AGBL1: variants seen among roughly 807,000 people sequenced by gnomAD.
The protein encoded by AGBL1 is AGBL carboxypeptidase 1, also known as cytosolic carboxypeptidase 4.
In AGBL1, 130 loss-of-function variants were observed where a neutral mutation model predicts 118.9. The observed-to-expected ratio is 1.09, with a 90% CI of 0.95 to 1.26. AGBL1 has a LOEUF of 1.26. AGBL1 is among the 50% of genes most tolerant of loss of function. AGBL1 has a pLI of 0.00. For missense variants in AGBL1, 1,584 were observed against 1,298.1 expected, an observed-to-expected ratio of 1.22 and a Z score of -3.38; for synonymous variants, 555 against 478.9, an observed-to-expected ratio of 1.16 and a Z score of -2.08.
At chr15:86,610,479 T>A (rs889569831) in intron 21 of AGBL1, among the ~76,000 whole-genome samples, 1 of 152,216 alleles carries the variant, frequency 6.6e-6, no homozygotes, top group South Asian at 2.1e-4. Flanking sequence ...ATGTGGAATG[T>A]ACTTTGGGCG....
intron 21 of AGBL1, among the ~76,000 whole-genome samples, chr15:86,581,851 C>T (rs2084176729): frequency 6.6e-6 from 1 of 152,062 alleles, no homozygotes; most frequent in African/African-American, 2.4e-5. Flanking sequence ...CAGCCAAACC[C>T]CTCTCTTCAT....
rs556830860 is a variant in AGBL1 at position 86,736,667 on chromosome 15, C to T, written c.3158+62231C>T. ...CTCTTCCACTAGCCGTAAACTACAC[C>T]GCTTCATCCATCATCCCTTTTAATA... On this transcript the variant is annotated intron_variant, in intron 22 of 22. Coordinates refer to ENST00000614907, the MANE Select transcript of AGBL1 (RefSeq NM_001386094.1). Among the ~76,000 whole-genome samples, 48 of 152,246 alleles carry T rather than the reference C, an allele frequency of 3.2e-4. 2 individuals are homozygous for T. The South Asian group carries it at 8.5e-3, about 27-fold the overall frequency.
intron 22 of AGBL1, among the ~76,000 whole-genome samples, chr15:86,877,553 A>G (rs927089241): frequency 6.6e-6 from 1 of 152,178 alleles, no homozygotes; most frequent in African/African-American, 2.4e-5. Context: ...GGATAAGTAG[A>G]AGGTAATGAA....
At chr15:86,193,983 C>T (rs1416586106) in intron 5 of AGBL1, among the ~76,000 whole-genome samples, 2 of 152,156 alleles carry the variant, frequency 1.3e-5, no homozygotes, top group East Asian at 1.9e-4. Context: ...ATGAGACTGC[C>T]AGGCATGAGG....
intron 1 of AGBL1, among the ~76,000 whole-genome samples, chr15:86,099,993 G>C (rs1042690244): frequency 6.6e-6 from 1 of 151,864 alleles, no homozygotes; most frequent in African/African-American, 2.4e-5. Context: ...TTATTAAGTT[G>C]AAGTGTTTCT....
intron 22 of AGBL1, among the ~76,000 whole-genome samples, chr15:86,829,876 C>T (rs1440402623): frequency 6.6e-6 from 1 of 152,062 alleles, no homozygotes; most frequent in Non-Finnish European, 1.5e-5. Flanking sequence ...CAGTTCATTG[C>T]AGAATCTTTA....
chr15:86,426,072 G>A (rs1378609414), intron 18 of AGBL1, among the ~76,000 whole-genome samples: 2 of 152,130 alleles, frequency 1.3e-5, no homozygotes, highest in African/African-American at 2.4e-5. Flanking sequence ...TACTTCTCTA[G>A]TATATAGTAG....
At position 86,613,776 on chromosome 15, in the gene AGBL1, G is replaced by T. The variant is rs1034352926; in HGVS notation, c.2994+59239G>T. Among the ~76,000 whole-genome samples, 6 of 152,160 alleles carry T rather than the reference G, an allele frequency of 3.9e-5. No homozygotes were observed. The highest frequency in any genetic ancestry group is 1.4e-4 in the African/African-American group (6 of 41,436). On this transcript the variant is annotated intron_variant, in intron 21 of 22. Coordinates refer to ENST00000614907, the MANE Select transcript of AGBL1 (RefSeq NM_001386094.1). The surrounding 1 kb of genome is among the most constrained non-coding windows in gnomAD (Gnocchi z 4.2). Reference sequence around the variant, plus strand: ...CATCACCAGGGAGCTTGTTAGAAATGCAGAATTTCAGACCCCATCCCAGAC... The same window carrying T: ...CATCACCAGGGAGCTTGTTAGAAATTCAGAATTTCAGACCCCATCCCAGAC...
chr15:86,788,807 G>A (rs1222403177), intron 22 of AGBL1, among the ~76,000 whole-genome samples: 1 of 152,186 alleles, frequency 6.6e-6, no homozygotes, highest in Non-Finnish European at 1.5e-5. Context: ...ATTTGAGTGA[G>A]CTATATGTGA....
At chr15:86,370,953 A>C (rs1351584063) in intron 17 of AGBL1, among the ~76,000 whole-genome samples, 1 of 152,218 alleles carries the variant, frequency 6.6e-6, no homozygotes, top group Non-Finnish European at 1.5e-5. Context: ...TCTTGGGTCT[A>C]TGGGTCTGGG....
chr15:86,269,996 G>A lies in AGBL1; in HGVS notation c.1916G>A (p.Gly639Asp). 6.2e-7 allele frequency: 1 copy of A among 1,613,644 alleles called. No homozygotes were observed. The highest frequency in any genetic ancestry group is 1.7e-4 in the Middle Eastern group (1 of 6,060). Residue 639 changes from glycine to aspartate, a missense_variant, in exon 14 of 23, where the codon GGT (glycine) becomes GAT (aspartate). Gly to Asp is a moderately conservative substitution (Grantham distance 94, BLOSUM62 -1). Coordinates refer to ENST00000614907, the MANE Select transcript of AGBL1 (RefSeq NM_001386094.1). ...HQQWFYFKVS[G>D]MQAAIPYHFN... ...CAGTGGTTCTATTTCAAAGTGAGCG[G>A]TATGCAGGCGGCCATCCCTTACCAC...
chr15:86,183,812 G>A (rs573444501), intron 5 of AGBL1, among the ~76,000 whole-genome samples: 1 of 152,180 alleles, frequency 6.6e-6, no homozygotes, highest in Non-Finnish European at 1.5e-5. Context: ...ATCAGATGAT[G>A]CCGTTACGAA....
chr15:86,444,201 A>G (rs1370609889), intron 18 of AGBL1, among the ~76,000 whole-genome samples: 8 of 152,214 alleles, frequency 5.3e-5, no homozygotes, highest in Admixed American at 2.6e-4. Flanking sequence ...CCTGATGATT[A>G]GCATTGTTGA....
intron 18 of AGBL1, among the ~76,000 whole-genome samples, chr15:86,437,017 A>C (rs541127671): frequency 1.2e-4 from 18 of 150,048 alleles, no homozygotes; most frequent in African/African-American, 2.4e-4. Context: ...TTTTTTTTGC[A>C]TCAAATGACT....
chr15:86,749,988 C>G (rs377752782), intron 22 of AGBL1, among the ~76,000 whole-genome samples: 52 of 152,110 alleles, frequency 3.4e-4, no homozygotes, highest in Admixed American at 3.2e-3. Context: ...TGTTGTGTCT[C>G]TGCCAGGCTT....
chr15:86,240,270 C>T (rs761150803), intron 6 of AGBL1, among the ~76,000 whole-genome samples: 13 of 152,140 alleles, frequency 8.5e-5, no homozygotes, highest in Non-Finnish European at 1.9e-4. Flanking sequence ...TAAATATTCA[C>T]GTTGTAATGT....
intron 22 of AGBL1, among the ~76,000 whole-genome samples, chr15:86,798,132 G>A (rs753277555): frequency 5.9e-5 from 9 of 152,086 alleles, no homozygotes; most frequent in Non-Finnish European, 8.8e-5. Flanking sequence ...GCAGACCATA[G>A]AACAGAAATT....
chr15:86,716,413 G>C (rs2086639495), intron 22 of AGBL1, among the ~76,000 whole-genome samples: 1 of 152,112 alleles, frequency 6.6e-6, no homozygotes, highest in Non-Finnish European at 1.5e-5. Flanking sequence ...GGATCAGGTA[G>C]GGTACATGTC....
intron 1 of AGBL1, among the ~76,000 whole-genome samples, chr15:86,093,749 A>G (rs979383083): frequency 2.0e-5 from 3 of 152,282 alleles, no homozygotes; most frequent in Admixed American, 2.0e-4. Flanking sequence ...AAATAATTGA[A>G]CATGCTGAAG....
Sources: allele counts gnomAD v4.1 joint callset (sites outside exome capture counted in the v4.1 genomes callset), GRCh38; gene constraint gnomAD v4.1.1; non-coding constraint Gnocchi (gnomAD v3.1); transcripts MANE v1.5; gene names NCBI Gene and HGNC (gene_info 2026-07-23, HGNC 2026-07-21).